DMD: variants seen among roughly 807,000 people sequenced by gnomAD.
The protein encoded by DMD is mutant dystrophin.
DMD carries 63 observed loss-of-function variants against 330.1 expected under a neutral mutation model. The ratio of observed to expected loss-of-function variants is 0.19; its 90% CI spans 0.16 to 0.24. The LOEUF is 0.24. Among genes scored for constraint, DMD ranks in the 10% least tolerant of loss-of-function variants. The probability of loss-of-function intolerance (pLI) is 1.00; values close to 1 mark genes in which losing one functional copy is unlikely to be tolerated. For synonymous variants in DMD, 1,223 were observed against 959.8 expected (o/e 1.27, Z -5.07); for missense variants, 3,344 against 2,684.1 (o/e 1.25, Z -5.43).
chrX:31,819,905 G>C, intron 50 of DMD, 70 bp downstream of exon 50: 3 of 866,544 alleles, frequency 3.5e-6, no homozygotes, highest in Non-Finnish European at 5.2e-6. Context: ...CTCTCACCCA[G>C]TCATCACTTC....
At chrX:32,073,347 G>A (rs1461688244) in intron 44 of DMD, among the ~76,000 whole-genome samples, 1 of 111,628 alleles carries the variant, frequency 9.0e-6, no homozygotes, top group Non-Finnish European at 1.9e-5. Flanking sequence ...CAAAGAGTTC[G>A]AAGATGCCTT....
intron 2 of DMD, among the ~76,000 whole-genome samples, chrX:32,879,623 T>G (rs979524849): frequency 6.2e-5 from 7 of 112,402 alleles, no homozygotes; most frequent in Non-Finnish European, 1.1e-4. Flanking sequence ...GTGTCACATA[T>G]TTTTAAAAAT....
At chrX:33,192,554 GT>G (rs2050714702) in intron 1 of DMD, among the ~76,000 whole-genome samples, 1 of 111,806 alleles carries the variant, frequency 8.9e-6, no homozygotes, top group African/African-American at 3.3e-5. Context: ...ACATATACAG[GT>G]TTTGCAGTCA....
In DMD at chrX:31,927,246, T is replaced by A. The variant is rs183472688; in HGVS notation, c.6912+2350A>T. On this transcript the variant is annotated intron_variant, in intron 47 of 78. Transcript: ENST00000357033. ...ATTTTGGCATAGGAAACAGATATTA[T>A]GGATGCTGTAGTAATATAAGTCTAT... 6.2e-5 allele frequency among the ~76,000 whole-genome samples: 7 copies of A among 112,209 alleles called. No individual in the cohort carries two copies. In the East Asian group the frequency reaches 1.7e-3, roughly 27 times the overall value.
chrX:32,567,845 T>TAC, intron 15 of DMD, among the ~76,000 whole-genome samples: 1 of 112,212 alleles, frequency 8.9e-6, no homozygotes, highest in Non-Finnish European at 1.9e-5. Context: ...TGTATATTCC[T>TAC]CCAGTTATAG....
At chrX:32,716,531 A>C in intron 7 of DMD, among the ~76,000 whole-genome samples, 1 of 111,681 alleles carries the variant, frequency 9.0e-6, no homozygotes. Flanking sequence ...GGTAGTTTAT[A>C]GCAATGCGAG....
At chrX:32,266,193 A>G (rs1462411672) in intron 43 of DMD, among the ~76,000 whole-genome samples, 1 of 111,162 alleles carries the variant, frequency 9.0e-6, no homozygotes, top group Admixed American at 9.6e-5. Context: ...ATGAGATCCA[A>G]TGGTTTTATA....
chrX:33,292,497 G>A (rs772224616), intron 1 of DMD, among the ~76,000 whole-genome samples: 27 of 110,571 alleles, frequency 2.4e-4, no homozygotes, highest in Admixed American at 9.7e-4. Context: ...AGAGCTACTG[G>A]TTTTAAATTT....
At chrX:33,214,382 G>A (rs1158476719), upstream of DMD, among the ~76,000 whole-genome samples, 1 of 111,396 alleles carries the variant, frequency 9.0e-6, no homozygotes, top group African/African-American at 3.3e-5. Flanking sequence ...GATAGGAATT[G>A]CATTAAAATT....
chrX:31,384,791 C>T (rs1261944668), intron 60 of DMD, among the ~76,000 whole-genome samples: 3 of 112,097 alleles, frequency 2.7e-5, no homozygotes, highest in Non-Finnish European at 5.6e-5. Context: ...CAATACCCAG[C>T]TGCAATTTAA....
intron 7 of DMD, among the ~76,000 whole-genome samples, chrX:32,717,818 A>G (rs923011435): frequency 8.9e-6 from 1 of 111,766 alleles, no homozygotes; most frequent in African/African-American, 3.3e-5. Flanking sequence ...TGTCCCTTGC[A>G]TCACTGTGGC....
At chrX:32,848,439 C>T (rs759526740) in intron 3 of DMD, among the ~76,000 whole-genome samples, 8 of 111,493 alleles carry the variant, frequency 7.2e-5, no homozygotes, top group African/African-American at 1.6e-4. Flanking sequence ...CTCAAATTGG[C>T]GCCCAGCAAA....
intron 2 of DMD, among the ~76,000 whole-genome samples, chrX:32,908,495 G>A (rs2086914070): frequency 8.9e-6 from 1 of 112,035 alleles, no homozygotes; most frequent in East Asian, 2.8e-4. Context: ...AAGTCTGGCA[G>A]CAAAAACAAC....
Position 32,992,148 on chromosome X carries a change from G to A in DMD, c.93+27991C>T, listed in dbSNP as rs1254210646. On this transcript the variant is annotated intron_variant, in intron 2 of 78. Transcript: ENST00000357033. ...AAGCTTTTGAATCATTCTAATTGGT[G>A]AGGGCTTATTCTTTAAAAAGTAACA... Among the ~76,000 whole-genome samples the A allele has an allele frequency of 3.6e-5, 4 of 111,992 alleles. No homozygotes were observed. In the East Asian group the frequency reaches 1.1e-3, roughly 31 times the overall value.
intron 53 of DMD, among the ~76,000 whole-genome samples, chrX:31,665,238 AT>A (rs1471403510): frequency 3.6e-5 from 4 of 112,165 alleles, no homozygotes; most frequent in Non-Finnish European, 7.5e-5. Flanking sequence ...AACAATCTTG[AT>A]GATTATAGCA....
At chrX:31,244,030 C>T (rs1273497738) in intron 63 of DMD, among the ~76,000 whole-genome samples, 6 of 112,506 alleles carry the variant, frequency 5.3e-5, no homozygotes, top group African/African-American at 6.4e-5. Context: ...ACTGTACACA[C>T]AAATGTTTTG....
At position 32,990,803 on chromosome X, in the gene DMD, G is replaced by C. The variant is rs760412232; in HGVS notation, c.93+29336C>G. On this transcript the variant is annotated intron_variant, in intron 2 of 78. Coordinates refer to ENST00000357033, the MANE Select transcript of DMD (RefSeq NM_004006.3). ...CCCCAGTTTGAAAGCGTACCAAAAA[G>C]TATTCACACAAGGTTTGTGTCACAC... Among the ~76,000 whole-genome samples, 7 of 111,486 alleles carry C rather than the reference G, an allele frequency of 6.3e-5. No individual in the cohort carries two copies. In the South Asian group the frequency reaches 2.6e-3, roughly 42 times the overall value.
intron 1 of DMD, among the ~76,000 whole-genome samples, chrX:33,142,065 A>C: frequency 8.9e-6 from 1 of 112,424 alleles, no homozygotes. Context: ...ATCTGGTGAG[A>C]AAATGAAAGT....
chrX:31,231,942 C>T (rs776526467), intron 63 of DMD, among the ~76,000 whole-genome samples: 34 of 110,691 alleles, frequency 3.1e-4, no homozygotes, highest in African/African-American at 1.1e-3. Flanking sequence ...AGGAAACACA[C>T]AGGAAGTGAT....
Sources: allele counts gnomAD v4.1 joint callset (sites outside exome capture counted in the v4.1 genomes callset), GRCh38; gene constraint gnomAD v4.1.1; transcripts MANE v1.5; gene names NCBI Gene and HGNC (gene_info 2026-07-23, HGNC 2026-07-21).